Variants in CES2 observed in about 807,000 individuals in gnomAD.
The protein encoded by CES2 is cocaine esterase.
A neutral mutation model predicts 52.1 loss-of-function variants in CES2; 42 were observed. That is an observed-to-expected ratio of 0.81 (90% CI 0.63 to 1.04). The LOEUF is 1.04. Among genes scored for constraint, CES2 ranks in the 50% least tolerant of loss-of-function variants. CES2 has a pLI of 0.00. For synonymous variants in CES2, 277 were observed against 289.6 expected, an observed-to-expected ratio of 0.96 and a Z score of 0.44; for missense variants, 656 against 724.3, an observed-to-expected ratio of 0.91 and a Z score of 1.08.
chr16:66,943,890 G>T lies in CES2; in HGVS notation c.1545G>T (p.Glu515Asp). 1 of 1,609,976 alleles carries T rather than the reference G, an allele frequency of 6.2e-7. No individual in the cohort carries two copies. The highest frequency in any genetic ancestry group is 1.7e-5 in the Admixed American group (1 of 59,906). ...LPHWPLFDQE[E>D]QYLQLNLQPA... ...ACTGGCCGCTGTTCGACCAGGAGGA[G>T]CAATACCTGCAGCTGAACCTACAGC... The change falls in exon 12 of 12, where the codon GAG becomes GAT. Residue 515 changes from glutamate to aspartate, a missense_variant. Glu to Asp is a conservative substitution (Grantham distance 45, BLOSUM62 2). Transcript: ENST00000317091. This position sits in a 1 kb window ranked among gnomAD's most constrained non-coding sequence, Gnocchi z 4.2.
In CES2 at chr16:66,940,517, C is replaced by T. The variant is rs532312387; in HGVS notation, c.638C>T (p.Ala213Val). 3.1e-6 allele frequency: 5 copies of T among 1,614,256 alleles called. 1 individual carries two copies. The South Asian group carries it at 5.5e-5, about 18-fold the overall frequency. The change falls in exon 5 of 12, where the codon GCC (alanine) becomes GTC (valine). Residue 213 changes from alanine to valine, a missense_variant. Ala to Val is a moderately conservative substitution (Grantham distance 64). Coordinates refer to ENST00000317091, the MANE Select transcript of CES2 (RefSeq NM_001365405.1). ...AALRWVQQNI[A>V]HFGGNPDRVT... ...CTACGCTGGGTCCAGCAGAATATCG[C>T]CCACTTTGGAGGCAACCCTGACCGT... is the stretch of plus-strand genomic sequence containing the variant.
In CES2 at chr16:66,935,660, C is replaced by A; in HGVS notation, c.25C>A (p.Arg9=). 6.2e-7 allele frequency: 1 copy of A among 1,603,270 alleles called. No individual in the cohort carries two copies. Among genetic ancestry groups the A allele is most frequent in the Non-Finnish European group, 8.5e-7 (1 of 1,179,850 alleles). ...CATGCGGCTGCACAGACTTCGTGCG[C>A]GGCTGAGCGCGGTGGCCTGTGGGCT... MRLHRLRA[R]LSAVACGLLL... is the part of the protein sequence containing the mutation. Residue 9 remains arginine (R), a synonymous_variant, in exon 1 of 12, where the codon CGG becomes AGG. Transcript: ENST00000317091.
chr16:66,940,639 A>C lies in CES2; in HGVS notation c.760A>C (p.Ser254Arg). 6.2e-7 allele frequency: 1 copy of C among 1,614,130 alleles called. No homozygotes were observed. The highest frequency in any genetic ancestry group is 8.5e-7 in the Non-Finnish European group (1 of 1,180,026). The change falls in exon 5 of 12, where the codon AGT becomes CGT. Residue 254 changes from serine to arginine, a missense_variant. By Grantham distance (110) the Ser-to-Arg change is moderately radical. Transcript: ENST00000317091. The part of the protein sequence containing the change: ...QGLFHGAIME[S>R]GVALLPGLIA... ...ACTCTTCCACGGAGCCATCATGGAG[A>C]GTGGCGTGGCCCTCCTGCCCGGCCT...
intron 1 of CES2, 133 bp from the exon 2 acceptor site, chr16:66,937,903 GT>G: frequency 1.4e-6 from 1 of 728,506 alleles, no homozygotes; most frequent in Non-Finnish European, 2.3e-6. Flanking sequence ...CAGGCAGGAA[GT>G]TTGTAAAGCC....
At chr16:66,935,104 A>G (rs762847936), upstream of CES2, 5 of 250,686 alleles carry the variant, frequency 2.0e-5, no homozygotes, top group Admixed American at 9.8e-5. Flanking sequence ...GCAAGGAGGA[A>G]CTTCCAGAAT....
In CES2 at chr16:66,941,809, GGCCTCCCAGGCT is replaced by G; in HGVS notation, c.1101_1112del (p.Ser368_Ala371del). On this transcript the variant is annotated inframe_deletion, in exon 8 of 12. Transcript: ENST00000317091. ...ATACCCAGAAGGAAATGGACAGAGA[GGCCTCCCAGGCT>G]GCTCTGCAGAAAATGTTAACGCTGC... 6.2e-7 allele frequency: 1 copy of G among 1,614,142 alleles called. No individual in the cohort carries two copies.
intron 1 of CES2, chr16:66,935,953 G>A: frequency 7.1e-7 from 1 of 1,418,034 alleles, no homozygotes; most frequent in Non-Finnish European, 9.2e-7. Flanking sequence ...GGGGCCCCAG[G>A]AGCGCCGGGA....
rs752206779 is a variant in CES2, at chr16:66,938,214, T to C, written c.254T>C (p.Val85Ala). 1.9e-6 allele frequency: 3 copies of C among 1,614,056 alleles called. No individual in the cohort carries two copies. The East Asian group carries it at 6.7e-5, about 36-fold the overall frequency. ...PPEPPESWSGVRDGTTHPAMC... is the reference protein window; with the variant it reads ...PPEPPESWSGARDGTTHPAMC... ...GAGCCCCCTGAATCTTGGAGTGGTG[T>C]GAGGGATGGAACCACCCATCCGGCC... Residue 85 changes from valine to alanine, a missense_variant, in exon 2 of 12, where the codon GTG (valine) becomes GCG (alanine). Physicochemically the swap from Val to Ala is moderately conservative, Grantham distance 64. Coordinates refer to ENST00000317091, the MANE Select transcript of CES2 (RefSeq NM_001365405.1).
At chr16:66,936,151 C>T (rs1454946430) in intron 1 of CES2, among the ~76,000 whole-genome samples, 1 of 152,174 alleles carries the variant, frequency 6.6e-6, no homozygotes, top group Admixed American at 6.5e-5. Flanking sequence ...GCCCTGAGCC[C>T]TCCAAAGGGG....
Position 66,943,842 on chromosome 16 carries a change from C to A in CES2, c.1497C>A (p.Asn499Lys), listed in dbSNP as rs2145511779. ...TGCTGGGATGGCATGTCTACAGGAA[C>A]CCCAATGGCGAGGGTCTGCCACACT... Reference protein sequence around the residue: ...KYWANFARNGNPNGEGLPHWP... With the variant: ...KYWANFARNGKPNGEGLPHWP... Residue 499 changes from asparagine (N) to lysine (K), a missense_variant, in exon 12 of 12, where the codon AAC (asparagine) becomes AAA (lysine). By Grantham distance (94) the Asn-to-Lys change is moderately conservative (BLOSUM62 0). Coordinates refer to ENST00000317091, the MANE Select transcript of CES2 (RefSeq NM_001365405.1). The surrounding 1 kb of genome is among the most constrained non-coding windows in gnomAD (Gnocchi z 4.2). The A allele has an allele frequency of 6.3e-7, 1 of 1,592,410 alleles. No homozygotes were observed.
Position 66,940,305 on chromosome 16 carries a change from C to CGTG in CES2, c.516_518dup (p.Val173dup). The stretch of plus-strand genomic sequence containing the variant: ...GTTCCATGCTGGCTGCCTTGGAGAA[C>CGTG]GTGGTGGTGGTCATCATCCAGTACC... On this transcript the variant is annotated inframe_insertion, in exon 4 of 12. Coordinates refer to ENST00000317091, the MANE Select transcript of CES2 (RefSeq NM_001365405.1). 1 of 1,614,028 alleles carries CGTG rather than the reference C, an allele frequency of 6.2e-7. No homozygotes were observed. The highest frequency in any genetic ancestry group is 2.2e-5 in the East Asian group (1 of 44,868).
intron 10 of CES2, 58 bp downstream of exon 10, chr16:66,942,843 AT>A: frequency 6.2e-7 from 1 of 1,611,274 alleles, no homozygotes; most frequent in Non-Finnish European, 8.5e-7. Flanking sequence ...TCTCTGAGCG[AT>A]GATTGATTGT....
At chr16:66,935,433 C>T (rs1191448071), upstream of CES2, 3 of 1,574,666 alleles carry the variant, frequency 1.9e-6, no homozygotes, top group African/African-American at 1.4e-5. Flanking sequence ...CCACTAGATC[C>T]CCACCCACCT....
chr16:66,942,615 G>A, intron 9 of CES2, 33 bp from the exon 10 acceptor site: 1 of 1,611,752 alleles, frequency 6.2e-7, no homozygotes, highest in Non-Finnish European at 8.5e-7. Flanking sequence ...TCAGGGGGAG[G>A]GGCCACCGTG....
At chr16:66,936,995 A>G (rs1963231874) in intron 1 of CES2, among the ~76,000 whole-genome samples, 1 of 151,250 alleles carries the variant, frequency 6.6e-6, no homozygotes. Context: ...CAGCTTGGGC[A>G]ACAAGACTTG....
Position 66,944,095 on chromosome 16 carries a change from C to A in CES2, c.*70C>A. On this transcript the variant is annotated 3_prime_UTR_variant, in exon 12 of 12. Coordinates refer to ENST00000317091, the MANE Select transcript of CES2 (RefSeq NM_001365405.1). The stretch of plus-strand genomic sequence containing the variant: ...GGTCAGCCTGCTGTGCCCACACACA[C>A]CCACTAAGGAGAAAGAAGTTGATTC... 1 of 720,750 alleles carries A rather than the reference C, an allele frequency of 1.4e-6. No individual in the cohort carries two copies. The highest frequency in any genetic ancestry group is 2.1e-6 in the Non-Finnish European group (1 of 465,862). 44.6% of individuals were successfully genotyped at this position (720,750 alleles called of 1,614,324 possible). A position where few individuals can be genotyped will look rare whatever the true frequency, so the allele number is the denominator to read the frequency against.
At chr16:66,941,711 C>G (rs1822109068) in intron 7 of CES2, 57 bp from the exon 8 acceptor site, 1 of 1,613,488 alleles carries the variant, frequency 6.2e-7, no homozygotes, top group Non-Finnish European at 8.5e-7. Context: ...GTGTTCAGGG[C>G]TTCATAGCTC....
chr16:66,940,389 G>A (rs1963330562), intron 4 of CES2, 34 bp downstream of exon 4: 1 of 1,614,144 alleles, frequency 6.2e-7, no homozygotes, highest in South Asian at 1.1e-5. Context: ...AACCCGGGCT[G>A]AGCGGGGCCA....
chr16:66,943,735 G>T lies in CES2; in HGVS notation c.1494-104G>T. 1.1e-6 allele frequency: 1 copy of T among 907,942 alleles called. No homozygotes were observed. Among genetic ancestry groups the T allele is most frequent in the South Asian group, 1.8e-5 (1 of 54,316 alleles). The allele number at this position is 907,942 out of a possible 1,614,324, so 56.2% of individuals were successfully genotyped here. ...CCCACTCATTCCCCAAGCCCACCTGGCCTGCTTGGCTGCCTTGCCTGACCA... is the reference window on the plus strand; with the variant it reads ...CCCACTCATTCCCCAAGCCCACCTGTCCTGCTTGGCTGCCTTGCCTGACCA... On this transcript the variant is annotated intron_variant, in intron 11 of 11. Transcript: ENST00000317091. This position sits in a 1 kb window ranked among gnomAD's most constrained non-coding sequence, Gnocchi z 4.2.
Sources: gnomAD v4.1 joint callset for allele counts (sites outside exome capture counted in the v4.1 genomes callset) on GRCh38, gnomAD v4.1.1 for gene constraint, Gnocchi (gnomAD v3.1) non-coding constraint, MANE v1.5 for transcripts, NCBI Gene and HGNC (gene_info 2026-07-23, HGNC 2026-07-21) for gene names.